Variants in PLEKHH2 observed in about 807,000 individuals in gnomAD.
PLEKHH2 encodes pleckstrin homology domain-containing family H member 2.
A neutral mutation model predicts 187.9 loss-of-function variants in PLEKHH2; 129 were observed. That is an observed-to-expected ratio of 0.69 (90% CI 0.59 to 0.79). The LOEUF is 0.79. Among genes scored for constraint, PLEKHH2 ranks in the 30% least tolerant of loss-of-function variants. PLEKHH2 has a pLI of 0.00. For missense variants in PLEKHH2, 2,076 were observed against 1,751.2 expected (o/e 1.19, Z -3.31); for synonymous variants, 686 against 605.6 (o/e 1.13, Z -1.95).
At chr2:43,644,580 T>G (rs894066988) in intron 1 of PLEKHH2, 91 bp from the exon 2 acceptor site, 56 of 1,063,214 alleles carry the variant, frequency 5.3e-5, no homozygotes, top group Non-Finnish European at 7.4e-5. Context: ...GTACATTGGG[T>G]AATTTAACAA....
chr2:43,743,969 T>C lies in PLEKHH2; in HGVS notation c.3535T>C (p.Cys1179Arg). The C allele has an allele frequency of 6.2e-7, 1 of 1,613,862 alleles. No individual in the cohort carries two copies. The highest frequency in any genetic ancestry group is 8.5e-7 in the Non-Finnish European group (1 of 1,179,834). The stretch of plus-strand genomic sequence containing the variant: ...TCCTTCTGGCAGAGATTTAGAGCAT[T>C]GTCTTCAAGGAAACATCAAGGTGAA... ...DDPSGRDLEH[C>R]LQGNIKICDI... is the part of the protein sequence containing the mutation. The change falls in exon 23 of 30, where the codon TGT becomes CGT. Residue 1179 changes from cysteine (C) to arginine (R), a missense_variant. Physicochemically the swap from Cys to Arg is radical, Grantham distance 180. Transcript: ENST00000282406.
intron 19 of PLEKHH2, among the ~76,000 whole-genome samples, chr2:43,734,980 G>A (rs1296777112): frequency 1.3e-5 from 2 of 152,068 alleles, no homozygotes; most frequent in Non-Finnish European, 2.9e-5. Flanking sequence ...TGGCTAACAT[G>A]GGGAGGCTGG....
chr2:43,675,973 C>T, intron 2 of PLEKHH2: 3 of 1,614,008 alleles, frequency 1.9e-6, no homozygotes, highest in Non-Finnish European at 2.5e-6. Flanking sequence ...CATCTGTACC[C>T]ACCTGTCATT....
chr2:43,755,960 A>C (rs936879855), intron 25 of PLEKHH2, among the ~76,000 whole-genome samples: 2 of 152,208 alleles, frequency 1.3e-5, no homozygotes, highest in Non-Finnish European at 2.9e-5. Flanking sequence ...AGTAACTGGG[A>C]TAGAGATACA....
chr2:43,735,654 A>G (rs1380037773), intron 19 of PLEKHH2, among the ~76,000 whole-genome samples: 1 of 152,226 alleles, frequency 6.6e-6, no homozygotes, highest in African/African-American at 2.4e-5. Context: ...TGATTATTAC[A>G]TGTTGCAGGC....
intron 6 of PLEKHH2, among the ~76,000 whole-genome samples, chr2:43,695,498 C>T (rs1669043424): frequency 6.6e-6 from 1 of 152,230 alleles, no homozygotes; most frequent in Non-Finnish European, 1.5e-5. Flanking sequence ...TTGCCTCTCT[C>T]TATTCTAAAA....
chr2:43,712,386 A>C lies in PLEKHH2; in HGVS notation c.2460+3A>C. ...CCATGAAGGGATTGCTCACTAAGGTAGGAACCTCCTGTGCATAGCAATGTC... is the reference window on the plus strand; with the variant it reads ...CCATGAAGGGATTGCTCACTAAGGTCGGAACCTCCTGTGCATAGCAATGTC... On this transcript the variant is annotated splice_donor_region_variant and intron_variant, in intron 15 of 29. Transcript: ENST00000282406. The C allele has an allele frequency of 6.2e-7, 1 of 1,613,624 alleles. No homozygotes were observed. The highest frequency in any genetic ancestry group is 8.5e-7 in the Non-Finnish European group (1 of 1,179,802).
At chr2:43,747,971 G>C (rs2104607435) in intron 24 of PLEKHH2, among the ~76,000 whole-genome samples, 1 of 152,302 alleles carries the variant, frequency 6.6e-6, no homozygotes, top group Non-Finnish European at 1.5e-5. Flanking sequence ...TATCTTCCTT[G>C]TCATGTTTTT....
intron 28 of PLEKHH2, among the ~76,000 whole-genome samples, chr2:43,763,683 C>G (rs1005735327): frequency 1.3e-5 from 2 of 151,526 alleles, no homozygotes; most frequent in African/African-American, 2.4e-5. Flanking sequence ...CGTGAGCCAT[C>G]AGGCCCGGCC....
chr2:43,696,553 A>T (rs898928685), intron 6 of PLEKHH2, among the ~76,000 whole-genome samples: 3 of 151,258 alleles, frequency 2.0e-5, no homozygotes, highest in African/African-American at 4.8e-5. Flanking sequence ...TAATCACTTC[A>T]CTACCTGTAT....
chr2:43,673,138 C>A (rs1482735983), intron 2 of PLEKHH2, among the ~76,000 whole-genome samples: 1 of 152,100 alleles, frequency 6.6e-6, no homozygotes, highest in Non-Finnish European at 1.5e-5. Flanking sequence ...GTACACATCA[C>A]CCAGCTTTCA....
intron 16 of PLEKHH2, among the ~76,000 whole-genome samples, chr2:43,721,617 C>T (rs1054199503): frequency 3.2e-4 from 49 of 152,136 alleles, no homozygotes; most frequent in African/African-American, 1.2e-3. Flanking sequence ...GGCATGATGG[C>T]TCATGCCTAT....
At chr2:43,658,973 CTTTTTTTTT>C (rs34486426) in intron 2 of PLEKHH2, 11 of 122,806 alleles carry the variant, frequency 9.0e-5, no homozygotes, top group Admixed American at 7.8e-4. Flanking sequence ...TTTTTTCTTT[CTTTTTTTTT>C]TTTTTTTTGA....
In PLEKHH2 at chr2:43,756,892, T is replaced by C. The variant is rs72871688; in HGVS notation, c.3796-227T>C. ...TGAACCTGGGAGGCAGAGGTTGCAA[T>C]GAGCCTGGGTGACAGAGTGAGACTC... On this transcript the variant is annotated intron_variant, in intron 25 of 29. Transcript: ENST00000282406. Among the ~76,000 whole-genome samples the C allele has an allele frequency of 6.5e-3, 993 of 152,174 alleles. 11 individuals are homozygous for C. The highest frequency in any genetic ancestry group is 0.022 in the African/African-American group (923 of 41,524).
chr2:43,685,914 A>G (rs1668481112), intron 3 of PLEKHH2, among the ~76,000 whole-genome samples: 1 of 152,226 alleles, frequency 6.6e-6, no homozygotes, highest in Admixed American at 6.5e-5. Context: ...GGATACCTTA[A>G]TATATTACAT....
chr2:43,700,737 C>T (rs1029391740), intron 8 of PLEKHH2, 129 bp downstream of exon 8: 7 of 1,199,916 alleles, frequency 5.8e-6, no homozygotes, highest in Admixed American at 4.6e-5. Context: ...ACTGCAACCT[C>T]CATCTCCCGG....
rs1308633187 is a variant in PLEKHH2 at position 43,710,086 on chromosome 2, T to G, written c.2063T>G (p.Leu688Arg). 4 of 1,612,862 alleles carry G rather than the reference T, an allele frequency of 2.5e-6. No homozygotes were observed. The highest frequency in any genetic ancestry group is 2.2e-5 in the East Asian group (1 of 44,894). Residue 688 changes from leucine to arginine, a missense_variant, in exon 12 of 30, where the codon CTC becomes CGC. Transcript: ENST00000282406. ...GAGTACTCACAGCCAGAGCAGAAGC[T>G]CCCAAAAACTTGCTCATCTTCCAGT... is the stretch of plus-strand genomic sequence containing the variant. Reference protein sequence around the residue: ...DTEYSQPEQKLPKTCSSSSDN... With the variant: ...DTEYSQPEQKRPKTCSSSSDN...
intron 2 of PLEKHH2, among the ~76,000 whole-genome samples, chr2:43,656,695 C>A (rs1284056625): frequency 2.0e-5 from 3 of 152,192 alleles, no homozygotes; most frequent in African/African-American, 7.2e-5. Context: ...TTGTGCACAA[C>A]AAATATATAC....
At chr2:43,652,020 T>TATAA (rs1419698760) in intron 2 of PLEKHH2, among the ~76,000 whole-genome samples, 1 of 152,228 alleles carries the variant, frequency 6.6e-6, no homozygotes, top group Non-Finnish European at 1.5e-5. Context: ...GACAATTATG[T>TATAA]ATAAATGGTC....
Sources: allele counts gnomAD v4.1 joint callset (sites outside exome capture counted in the v4.1 genomes callset), GRCh38; gene constraint gnomAD v4.1.1; transcripts MANE v1.5; gene names NCBI Gene and HGNC (gene_info 2026-07-23, HGNC 2026-07-21).